Variants in IFT80 observed in about 807,000 individuals in gnomAD.
The protein encoded by IFT80 is intraflagellar transport protein 80 homolog.
Under a neutral mutation model 107.9 loss-of-function variants are expected in IFT80, and 79 were observed. That is an observed-to-expected ratio of 0.73 (90% CI 0.61 to 0.88). The LOEUF (loss-of-function observed/expected upper bound fraction) is 0.88. IFT80 is among the 40% of genes least tolerant of loss of function. The pLI is 0.00. For synonymous variants in IFT80, 299 were observed against 300.9 expected (o/e 0.99, Z 0.07); for missense variants, 797 against 914.2 (o/e 0.87, Z 1.65).
intron 11 of IFT80, among the ~76,000 whole-genome samples, chr3:160,302,838 G>T (rs1716544989): frequency 6.6e-6 from 1 of 151,760 alleles, no homozygotes; most frequent in African/African-American, 2.4e-5. Flanking sequence ...CATTTTCTTG[G>T]TCATTCAAGG....
chr3:160,279,094 A>C, intron 16 of IFT80, 99 bp downstream of exon 16: 1 of 921,664 alleles, frequency 1.1e-6, no homozygotes, highest in Non-Finnish European at 1.7e-6. Context: ...TCTTATTCAC[A>C]ATTTTTCCAG....
chr3:160,288,521 GCAAA>G, intron 12 of IFT80, among the ~76,000 whole-genome samples: 1 of 152,108 alleles, frequency 6.6e-6, no homozygotes, highest in Non-Finnish European at 1.5e-5. Flanking sequence ...CTTCTGCACA[GCAAA>G]ATAAACTATC....
intron 19 of IFT80, among the ~76,000 whole-genome samples, chr3:160,267,734 T>A (rs1188499865): frequency 2.6e-5 from 4 of 152,174 alleles, no homozygotes; most frequent in Non-Finnish European, 5.9e-5. Flanking sequence ...TTCTTTTTAT[T>A]TTTATTTGTT....
chr3:160,324,308 C>T (rs4274790), intron 8 of IFT80, among the ~76,000 whole-genome samples: 6,209 of 152,140 alleles, frequency 0.041, 227 homozygotes, highest in Middle Eastern at 0.1. Flanking sequence ...ATACCGAAGC[C>T]GGGTGGAGAC....
intron 2 of IFT80, chr3:160,384,061 A>G: frequency 5.5e-6 from 2 of 360,672 alleles, no homozygotes; most frequent in Non-Finnish European, 7.7e-6. Context: ...CCTGGCCAAC[A>G]TGGTGAAACC....
intron 8 of IFT80, among the ~76,000 whole-genome samples, chr3:160,334,382 T>C (rs1267008299): frequency 2.0e-5 from 3 of 152,028 alleles, no homozygotes; most frequent in South Asian, 4.2e-4. Context: ...AGTTGGTATA[T>C]ACACATTTGA....
intron 11 of IFT80, among the ~76,000 whole-genome samples, chr3:160,303,240 T>C (rs1716574295): frequency 6.6e-6 from 1 of 152,216 alleles, no homozygotes; most frequent in Non-Finnish European, 1.5e-5. Flanking sequence ...GGGTTGTAGC[T>C]GTCTAAGTCC....
chr3:160,321,691 G>T (rs2108300731), intron 8 of IFT80, among the ~76,000 whole-genome samples: 1 of 152,060 alleles, frequency 6.6e-6, no homozygotes, highest in East Asian at 1.9e-4. Context: ...TAAAAGTTAT[G>T]TGAATGTGGT....
Position 160,384,643 on chromosome 3 carries a change from T to C in IFT80, c.-43A>G. The C allele has an allele frequency of 6.3e-7, 1 of 1,586,140 alleles. No individual in the cohort carries two copies. Among genetic ancestry groups the C allele is most frequent in the South Asian group, 1.1e-5 (1 of 89,988 alleles). Reference sequence around the variant, plus strand: ...AAATTTAAGATGCCACTTGATTGTATTTACTGTAAAAATAAAAGGAGAGAA... The same window carrying C: ...AAATTTAAGATGCCACTTGATTGTACTTACTGTAAAAATAAAAGGAGAGAA... On this transcript the variant is annotated 5_prime_UTR_variant, in exon 2 of 20. Coordinates refer to ENST00000326448, the MANE Select transcript of IFT80 (RefSeq NM_020800.3).
At chr3:160,317,259 G>A (rs1717890061) in intron 9 of IFT80, among the ~76,000 whole-genome samples, 1 of 151,832 alleles carries the variant, frequency 6.6e-6, no homozygotes. Context: ...GCAGTCAAAT[G>A]TTTTATAATC....
intron 5 of IFT80, among the ~76,000 whole-genome samples, chr3:160,366,720 C>T (rs914666069): frequency 2.0e-5 from 3 of 151,748 alleles, no homozygotes; most frequent in Non-Finnish European, 1.5e-5. Flanking sequence ...ATTTATGGGG[C>T]ACATGAGATC....
intron 2 of IFT80, chr3:160,383,455 C>A (rs1448268899): frequency 1.0e-6 from 1 of 966,586 alleles, no homozygotes; most frequent in East Asian, 1.1e-4. Flanking sequence ...AATGTCTGAC[C>A]AAATGTTTAA....
Position 160,291,848 on chromosome 3 carries a change from A to G in IFT80, c.1316-5980T>C, listed in dbSNP as rs74686879. 7.1e-3 allele frequency among the ~76,000 whole-genome samples: 1,083 copies of G among 152,268 alleles called. 12 individuals carry two copies. The highest frequency in any genetic ancestry group is 0.024 in the African/African-American group (1,012 of 41,542). On this transcript the variant is annotated intron_variant, in intron 12 of 19. Transcript: ENST00000326448. ...CTTCCCCTTCAAGGTTCAAAAGGTG[A>G]TTGGAATTGACGAGCAAATACCTCA... is the stretch of plus-strand genomic sequence containing the variant.
At position 160,279,269 on chromosome 3, in the gene IFT80, G is replaced by A. The variant is rs1714503234; in HGVS notation, c.1760C>T (p.Pro587Leu). 6.2e-7 allele frequency: 1 copy of A among 1,611,928 alleles called. No homozygotes were observed. The highest frequency in any genetic ancestry group is 1.7e-5 in the Admixed American group (1 of 59,972). The change falls in exon 16 of 20, where the codon CCA (proline) becomes CTA (leucine). Residue 587 changes from proline to leucine, a missense_variant. Physicochemically the swap from Pro to Leu is moderately conservative, Grantham distance 98. Transcript: ENST00000326448. ...DGSLVHISIT[P>L]YPAILHEYVS... ...ATATTCATGGAGAATAGCAGGATAT[G>A]GTGTTATGCTGATGTGAACCAGGGA...
chr3:160,263,464 C>T (rs76926324), intron 19 of IFT80, among the ~76,000 whole-genome samples: 5,352 of 152,202 alleles, frequency 0.035, 335 homozygotes, highest in African/African-American at 0.12. Flanking sequence ...GGTATTAAGA[C>T]CTTTCAATGA....
At chr3:160,327,309 G>A (rs1456572015) in intron 8 of IFT80, among the ~76,000 whole-genome samples, 2 of 152,042 alleles carry the variant, frequency 1.3e-5, no homozygotes, top group African/African-American at 4.8e-5. Flanking sequence ...ATTCTTCACA[G>A]AAATAGAAAA....
intron 8 of IFT80, among the ~76,000 whole-genome samples, chr3:160,351,884 T>C (rs1720732365): frequency 6.6e-6 from 1 of 152,038 alleles, no homozygotes; most frequent in African/African-American, 2.4e-5. Flanking sequence ...AAGTTAAGTG[T>C]TTGAATAGTA....
chr3:160,266,820 T>C (rs1423958362), intron 19 of IFT80, among the ~76,000 whole-genome samples: 2 of 152,164 alleles, frequency 1.3e-5, no homozygotes, highest in Admixed American at 6.5e-5. Context: ...AGTTTTAACA[T>C]ATGATCATAT....
rs115179698 is a variant in IFT80, at chr3:160,388,493, C to T, written c.-46-3847G>A. ...ATATACTAAGGAAAATACATCATGA[C>T]CGTGGTAGGCAAAATAATGGTCTCA... On this transcript the variant is annotated intron_variant, in intron 1 of 19. Coordinates refer to ENST00000326448, the MANE Select transcript of IFT80 (RefSeq NM_020800.3). 6.9e-3 allele frequency among the ~76,000 whole-genome samples: 1,045 copies of T among 150,876 alleles called. 11 individuals carry two copies. Among genetic ancestry groups the T allele is most frequent in the African/African-American group, 0.024 (975 of 41,298 alleles).
Sources: allele counts gnomAD v4.1 joint callset (sites outside exome capture counted in the v4.1 genomes callset), GRCh38; gene constraint gnomAD v4.1.1; transcripts MANE v1.5; gene names NCBI Gene and HGNC (gene_info 2026-07-23, HGNC 2026-07-21).